The following EVI5 variants were observed in gnomAD, a reference collection of about 807,000 sequenced individuals.
The protein encoded by EVI5 is ecotropic viral integration site 5.
Under a neutral mutation model 112.0 loss-of-function variants are expected in EVI5, and 73 were observed. The ratio of observed to expected loss-of-function variants is 0.65; its 90% CI spans 0.54 to 0.79. The LOEUF is 0.79. Among genes scored for constraint, EVI5 ranks in the 30% least tolerant of loss-of-function variants. The probability of loss-of-function intolerance (pLI) is 0.00; values close to 1 mark genes in which losing one functional copy is unlikely to be tolerated. For synonymous variants in EVI5, 305 were observed against 319.9 expected (o/e 0.95, Z 0.50); for missense variants, 900 against 968.8 (o/e 0.93, Z 0.94).
chr1:92,741,363 T>C (rs552364022), intron 1 of EVI5, among the ~76,000 whole-genome samples: 2 of 152,288 alleles, frequency 1.3e-5, no homozygotes, highest in South Asian at 2.1e-4. Flanking sequence ...AACCAGATTA[T>C]AGTAAGTTGA....
chr1:92,711,413 G>A lies in EVI5; in HGVS notation c.150-6669C>T, dbSNP rs1213723076. ...ACAACAGCAACTGGTCAACATGCCAGTTGGTAATTTATAAACTGCTAAGAT... is the reference window on the plus strand; with the variant it reads ...ACAACAGCAACTGGTCAACATGCCAATTGGTAATTTATAAACTGCTAAGAT... On this transcript the variant is annotated intron_variant, in intron 2 of 19. Transcript: ENST00000684568. 2.0e-5 allele frequency among the ~76,000 whole-genome samples: 3 copies of A among 152,332 alleles called. No homozygotes were observed. The East Asian group carries it at 5.8e-4, about 29-fold the overall frequency.
chr1:92,690,356 T>A (rs1321202872), intron 9 of EVI5, among the ~76,000 whole-genome samples: 1 of 151,824 alleles, frequency 6.6e-6, no homozygotes, highest in African/African-American at 2.4e-5. Context: ...GATACTTTTT[T>A]TTTTTTTTTG....
intron 18 of EVI5, among the ~76,000 whole-genome samples, chr1:92,565,203 T>G (rs1324152137): frequency 6.6e-6 from 1 of 152,088 alleles, no homozygotes; most frequent in Non-Finnish European, 1.5e-5. Flanking sequence ...TTGTTAACAG[T>G]TTTTTGGTGT....
At chr1:92,672,935 A>C (rs1207702884) in intron 10 of EVI5, among the ~76,000 whole-genome samples, 1 of 152,182 alleles carries the variant, frequency 6.6e-6, no homozygotes, top group Non-Finnish European at 1.5e-5. Flanking sequence ...AATAACACAA[A>C]TCAGACTTCA....
intron 19 of EVI5, among the ~76,000 whole-genome samples, chr1:92,526,847 C>G (rs763573025): frequency 6.6e-6 from 1 of 152,094 alleles, no homozygotes; most frequent in South Asian, 2.1e-4. Flanking sequence ...AAACTATGGA[C>G]TTCAGTTAAT....
At chr1:92,709,871 T>G (rs1672572014) in intron 2 of EVI5, among the ~76,000 whole-genome samples, 1 of 151,974 alleles carries the variant, frequency 6.6e-6, no homozygotes, top group African/African-American at 2.4e-5. Flanking sequence ...CCACCTAGTT[T>G]CAGTATAATT....
At chr1:92,601,132 A>C (rs1649088607) in intron 18 of EVI5, among the ~76,000 whole-genome samples, 1 of 152,250 alleles carries the variant, frequency 6.6e-6, no homozygotes, top group Admixed American at 6.5e-5. Flanking sequence ...TTAGGATTCC[A>C]GTGACCACTT....
chr1:92,767,863 C>G (rs1430986198), intron 1 of EVI5, among the ~76,000 whole-genome samples: 2 of 151,976 alleles, frequency 1.3e-5, no homozygotes, highest in Non-Finnish European at 2.9e-5. Context: ...GTGAATCACT[C>G]GAGGCCAGGA....
chr1:92,514,745 T>TCCTATCA (rs1659605602), intron 19 of EVI5, among the ~76,000 whole-genome samples: 1 of 152,164 alleles, frequency 6.6e-6, no homozygotes, highest in Admixed American at 6.5e-5. Context: ...ACCCCAGACA[T>TCCTATCA]CCTATCAGTT....
chr1:92,772,362 C>G (rs1261764332), intron 1 of EVI5, among the ~76,000 whole-genome samples: 3 of 151,432 alleles, frequency 2.0e-5, no homozygotes, highest in Non-Finnish European at 4.4e-5. Flanking sequence ...TTTGGGAGGC[C>G]AAGGCGGGCT....
chr1:92,758,984 T>A (rs944922537), intron 1 of EVI5, among the ~76,000 whole-genome samples: 9 of 152,102 alleles, frequency 5.9e-5, no homozygotes, highest in African/African-American at 2.2e-4. Flanking sequence ...ATGCCTGCAA[T>A]CCCAACACTT....
Position 92,612,884 on chromosome 1 carries a change from G to A in EVI5, c.1828-5157C>T, listed in dbSNP as rs558499621. Among the ~76,000 whole-genome samples, 9 of 152,204 alleles carry A rather than the reference G, an allele frequency of 5.9e-5. No individual in the cohort carries two copies. In the East Asian group the frequency reaches 1.7e-3, roughly 29 times the overall value. ...ATCAGACTGGTGGAAGCTAAGTATT[G>A]GCTGGCTAGACAGTGTGAAGGCGCA... On this transcript the variant is annotated intron_variant, in intron 16 of 19. Coordinates refer to ENST00000684568, the MANE Select transcript of EVI5 (RefSeq NM_001350197.2).
intron 11 of EVI5, among the ~76,000 whole-genome samples, chr1:92,664,908 TAAAG>T (rs1386361611): frequency 1.3e-5 from 2 of 152,104 alleles, no homozygotes; most frequent in African/African-American, 4.8e-5. Flanking sequence ...TATCTCTAGT[TAAAG>T]AAAGAAAAAA....
intron 2 of EVI5, among the ~76,000 whole-genome samples, chr1:92,727,434 G>A (rs1236954495): frequency 6.6e-6 from 1 of 152,104 alleles, no homozygotes; most frequent in Non-Finnish European, 1.5e-5. Flanking sequence ...TAGAAATTAT[G>A]TATACCACTC....
chr1:92,630,791 T>C (rs1411586107), intron 14 of EVI5, among the ~76,000 whole-genome samples: 2 of 152,260 alleles, frequency 1.3e-5, no homozygotes, highest in African/African-American at 2.4e-5. Context: ...CTAGGGTTTT[T>C]ATGGTTTTAG....
chr1:92,733,641 A>C (rs1676860649), intron 2 of EVI5, among the ~76,000 whole-genome samples: 1 of 151,826 alleles, frequency 6.6e-6, no homozygotes, highest in African/African-American at 2.4e-5. Flanking sequence ...CGAACTCCTG[A>C]GACTGGGCAA....
chr1:92,736,351 C>A, intron 2 of EVI5, 47 bp downstream of exon 2: 1 of 1,259,146 alleles, frequency 7.9e-7, no homozygotes, highest in South Asian at 1.3e-5. Context: ...ATATGAATGG[C>A]TGGATTTGTA....
intron 4 of EVI5, among the ~76,000 whole-genome samples, chr1:92,702,865 GT>G (rs1671420376): frequency 6.6e-6 from 1 of 151,938 alleles, no homozygotes; most frequent in Non-Finnish European, 1.5e-5. Flanking sequence ...ACTAGACTAG[GT>G]TTAAGGCAAA....
rs1445420758 is a variant in EVI5 at position 92,693,806 on chromosome 1, T to C, written c.1093A>G (p.Lys365Glu). The change falls in exon 9 of 20, where the codon AAA (lysine) becomes GAA (glutamate). Residue 365 changes from lysine to glutamate, a missense_variant. Transcript: ENST00000684568. The part of the protein sequence containing the change: ...YQVKYNSKKM[K>E]KLEKEYTTIK... ...ACAAAAATATAAAATACTTACTTTT[T>C]CATTTTTTTTGAATTGTATTTGACT... 4 of 1,553,694 alleles carry C rather than the reference T, an allele frequency of 2.6e-6. No homozygotes were observed. Among genetic ancestry groups the C allele is most frequent in the Non-Finnish European group, 3.5e-6 (4 of 1,131,376 alleles).
Sources: gnomAD v4.1 joint callset for allele counts (sites outside exome capture counted in the v4.1 genomes callset) on GRCh38, gnomAD v4.1.1 for gene constraint, MANE v1.5 for transcripts, NCBI Gene and HGNC (gene_info 2026-07-23, HGNC 2026-07-21) for gene names.